UBXN2A: variants seen among roughly 807,000 people sequenced by gnomAD.
The protein encoded by UBXN2A is UBX domain-containing protein 2A.
Under a neutral mutation model 28.4 loss-of-function variants are expected in UBXN2A, and 28 were observed. The ratio of observed to expected loss-of-function variants is 0.99; its 90% CI spans 0.73 to 1.35. The LOEUF is 1.35. Among genes scored for constraint, UBXN2A ranks in the 40% most tolerant of loss-of-function variants. UBXN2A has a pLI of 0.00. For synonymous variants in UBXN2A, 97 were observed against 103.6 expected, an observed-to-expected ratio of 0.94 and a Z score of 0.39; for missense variants, 253 against 297.9, an observed-to-expected ratio of 0.85 and a Z score of 1.11.
intron 1 of UBXN2A, among the ~76,000 whole-genome samples, chr2:23,951,574 C>T (rs948423463): frequency 6.6e-6 from 1 of 151,794 alleles, no homozygotes; most frequent in Non-Finnish European, 1.5e-5. Context: ...GATTCTCCTG[C>T]CTCAGCCTCT....
intron 6 of UBXN2A, among the ~76,000 whole-genome samples, chr2:23,993,126 G>A (rs1423000599): frequency 6.6e-6 from 1 of 152,310 alleles, no homozygotes; most frequent in South Asian, 2.1e-4. Context: ...AGAAGCACAA[G>A]TTTGAAATTG....
intron 1 of UBXN2A, among the ~76,000 whole-genome samples, chr2:23,957,309 C>G (rs1431060987): frequency 6.6e-6 from 1 of 150,906 alleles, no homozygotes; most frequent in Non-Finnish European, 1.5e-5. Context: ...GCCTGGCTAA[C>G]TTTTTTTTTC....
At chr2:23,987,365 T>C (rs996919594) in intron 6 of UBXN2A, among the ~76,000 whole-genome samples, 1 of 152,222 alleles carries the variant, frequency 6.6e-6, no homozygotes, top group African/African-American at 2.4e-5. Context: ...GTCCTAAATT[T>C]GTGTTGATAA....
intron 4 of UBXN2A, among the ~76,000 whole-genome samples, chr2:23,980,611 C>A (rs762404053): frequency 6.6e-6 from 1 of 151,968 alleles, no homozygotes; most frequent in East Asian, 1.9e-4. Context: ...AATCCTCTGT[C>A]CAGTTTTTTT....
chr2:23,990,145 GCT>G (rs1380134683), intron 6 of UBXN2A, among the ~76,000 whole-genome samples: 1 of 151,352 alleles, frequency 6.6e-6, no homozygotes, highest in Non-Finnish European at 1.5e-5. Context: ...TTCCTGCTAG[GCT>G]CTCTGACACA....
At chr2:23,987,984 G>A (rs1708198641) in intron 6 of UBXN2A, among the ~76,000 whole-genome samples, 1 of 151,544 alleles carries the variant, frequency 6.6e-6, no homozygotes, top group Non-Finnish European at 1.5e-5. Context: ...TTAGCTGGCC[G>A]TCGTGGCGTA....
chr2:23,939,813 T>C (rs910516244), upstream of UBXN2A, among the ~76,000 whole-genome samples: 1 of 152,012 alleles, frequency 6.6e-6, no homozygotes, highest in African/African-American at 2.4e-5. Context: ...GTAAGTCCTT[T>C]TAGGAACACA....
chr2:23,981,793 C>A (rs1262518353), intron 4 of UBXN2A, among the ~76,000 whole-genome samples: 2 of 151,656 alleles, frequency 1.3e-5, no homozygotes, highest in Non-Finnish European at 2.9e-5. Context: ...GAGTCTGAGG[C>A]AGGAGGATCG....
upstream of UBXN2A, among the ~76,000 whole-genome samples, chr2:23,936,396 T>C (rs1470253267): frequency 2.0e-5 from 3 of 152,160 alleles, no homozygotes; most frequent in East Asian, 5.8e-4. Context: ...GTATCTAGAA[T>C]GGGCAAATTC....
At position 23,999,850 on chromosome 2, in the gene UBXN2A, G is replaced by A. The variant is rs1192867097; in HGVS notation, c.763G>A (p.Glu255Lys). 7.4e-6 allele frequency: 12 copies of A among 1,612,442 alleles called. No individual in the cohort carries two copies. Among genetic ancestry groups the A allele is most frequent in the Non-Finnish European group, 9.3e-6 (11 of 1,179,500 alleles). ...ACTCCAAAAAACTGCATCTTTTAGA[G>A]AACTTTCAGAGCACTGATTTTTGAT... ...QRLQKTASFR[E>K]LSEH is the part of the protein sequence containing the mutation. The change falls in exon 7 of 7, where the codon GAA becomes AAA. Residue 255 changes from glutamate (E) to lysine (K), a missense_variant. Physicochemically the swap from Glu to Lys is moderately conservative, Grantham distance 56 (BLOSUM62 1). Transcript: ENST00000309033.
At chr2:23,980,142 C>G (rs1171003435) in intron 4 of UBXN2A, among the ~76,000 whole-genome samples, 1 of 152,136 alleles carries the variant, frequency 6.6e-6, no homozygotes, top group Admixed American at 6.6e-5. Context: ...CCCTGCAGCC[C>G]TAACATAACC....
At chr2:23,963,786 T>C (rs1411066857) in intron 2 of UBXN2A, among the ~76,000 whole-genome samples, 1 of 152,144 alleles carries the variant, frequency 6.6e-6, no homozygotes, top group African/African-American at 2.4e-5. Context: ...GATTGCTGAA[T>C]AGATCCAGCA....
At chr2:23,951,838 G>T (rs1255791195) in intron 1 of UBXN2A, among the ~76,000 whole-genome samples, 3 of 151,974 alleles carry the variant, frequency 2.0e-5, no homozygotes, top group Admixed American at 6.6e-5. Context: ...TCTTTCCTTT[G>T]TGTATGTTTG....
At position 23,977,077 on chromosome 2, in the gene UBXN2A, T is replaced by G. The variant is rs867758132; in HGVS notation, c.287+2T>G. The G allele has an allele frequency of 4.3e-6, 7 of 1,609,868 alleles. No homozygotes were observed. The highest frequency in any genetic ancestry group is 4.0e-5 in the African/African-American group (3 of 74,866). Reference sequence around the variant, plus strand: ...GTTTTTGAACTCCATCAAAAAGGGGTGAGTAGCCAGGTGTGGTAGGTCAAG... The same window carrying G: ...GTTTTTGAACTCCATCAAAAAGGGGGGAGTAGCCAGGTGTGGTAGGTCAAG... On this transcript the variant is annotated splice_donor_variant, in intron 4 of 6. Coordinates refer to ENST00000309033, the MANE Select transcript of UBXN2A (RefSeq NM_181713.4). LOFTEE classifies it high-confidence loss of function.
At chr2:23,927,762 G>A (rs13021384) in intron 1 of UBXN2A, 110,737 of 152,000 alleles carry the variant, frequency 0.73, 40,803 homozygotes, top group East Asian at 0.85. Context: ...CGCCTCTATC[G>A]CCGCCCCCTG....
rs893373361 is a variant in UBXN2A at position 24,001,628 on chromosome 2, C to T, written c.*1761C>T. The T allele has an allele frequency of 1.5e-4, 22 of 151,442 alleles. No individual in the cohort carries two copies. Among genetic ancestry groups the T allele is most frequent in the Non-Finnish European group, 2.9e-4 (20 of 67,902 alleles). The allele number at this position is 151,442 out of a possible 1,614,324, so 9.4% of individuals were successfully genotyped here. ...TCTCAAGACCATTTGTTTATGTGAG[C>T]TATATATATTATTATATTAAATATT... On this transcript the variant is annotated 3_prime_UTR_variant, in exon 7 of 7. Transcript: ENST00000309033.
At chr2:23,952,092 A>G (rs531505126) in intron 1 of UBXN2A, among the ~76,000 whole-genome samples, 29 of 150,994 alleles carry the variant, frequency 1.9e-4, no homozygotes, top group Non-Finnish European at 3.5e-4. Context: ...TCAGCCTCTC[A>G]AGTAGCTGGG....
upstream of UBXN2A, among the ~76,000 whole-genome samples, chr2:23,935,813 GC>G (rs1705508069): frequency 6.6e-6 from 1 of 152,198 alleles, no homozygotes; most frequent in Non-Finnish European, 1.5e-5. Context: ...ACTTTGGGAA[GC>G]CGAGGTGGGT....
chr2:23,960,188 G>A (rs1036079618), intron 2 of UBXN2A, among the ~76,000 whole-genome samples: 6 of 152,010 alleles, frequency 3.9e-5, no homozygotes, highest in African/African-American at 1.4e-4. Flanking sequence ...CCCAGGAGGT[G>A]GAGCTTGCAG....
Sources: allele counts gnomAD v4.1 joint callset (sites outside exome capture counted in the v4.1 genomes callset), GRCh38; gene constraint gnomAD v4.1.1; transcripts MANE v1.5; gene names NCBI Gene and HGNC (gene_info 2026-07-23, HGNC 2026-07-21).